The following LRFN2 variants were observed in gnomAD, a reference collection of about 807,000 sequenced individuals.
LRFN2 encodes leucine rich repeat and fibronectin type III domain containing 2.
A neutral mutation model predicts 37.3 loss-of-function variants in LRFN2; 18 were observed. That is an observed-to-expected ratio of 0.48 (90% confidence interval 0.33 to 0.72). LRFN2 has a LOEUF of 0.72. Among genes scored for constraint, LRFN2 ranks in the 30% least tolerant of loss-of-function variants. The pLI is 0.02. For synonymous variants in LRFN2, 556 were observed against 466.6 expected, an observed-to-expected ratio of 1.19 and a Z score of -2.47; for missense variants, 1,006 against 1,060.7, an observed-to-expected ratio of 0.95 and a Z score of 0.72.
At chr6:40,452,790 G>A (rs1343570437) in intron 1 of LRFN2, among the ~76,000 whole-genome samples, 3 of 152,154 alleles carry the variant, frequency 2.0e-5, no homozygotes, top group Non-Finnish European at 4.4e-5. Flanking sequence ...ACACAGAGAG[G>A]AGGTCACACA....
intron 1 of LRFN2, among the ~76,000 whole-genome samples, chr6:40,502,823 C>T (rs964163948): frequency 2.0e-5 from 3 of 152,180 alleles, no homozygotes; most frequent in Non-Finnish European, 4.4e-5. Flanking sequence ...TAGAGTCGAG[C>T]GTTGGGGCAG....
chr6:40,529,416 C>T (rs1039628223), intron 1 of LRFN2, among the ~76,000 whole-genome samples: 6 of 152,224 alleles, frequency 3.9e-5, no homozygotes, highest in Admixed American at 1.3e-4. Context: ...GTGGACCAAA[C>T]TGCCTACCAT....
chr6:40,393,320 C>G (rs1458948107), intron 2 of LRFN2, among the ~76,000 whole-genome samples: 1 of 151,202 alleles, frequency 6.6e-6, no homozygotes, highest in Admixed American at 6.6e-5. Context: ...GTGTCAGAGA[C>G]CAAGGATGTG....
chr6:40,480,152 T>C (rs184238762), intron 1 of LRFN2, among the ~76,000 whole-genome samples: 18 of 152,358 alleles, frequency 1.2e-4, no homozygotes, highest in African/African-American at 4.1e-4. Context: ...CTGGGTATTA[T>C]TATCCCTGTT....
At chr6:40,493,497 C>T (rs1765143238) in intron 1 of LRFN2, among the ~76,000 whole-genome samples, 1 of 152,198 alleles carries the variant, frequency 6.6e-6, no homozygotes, top group Non-Finnish European at 1.5e-5. Context: ...CATTTCAGGG[C>T]TTAACCTACT....
Position 40,522,382 on chromosome 6 carries a change from G to A in LRFN2, c.-19+64559C>T, listed in dbSNP as rs1433619188. On this transcript the variant is annotated intron_variant, in intron 1 of 2. Coordinates refer to ENST00000338305, the MANE Select transcript of LRFN2 (RefSeq NM_020737.3). ...TCCAGCCAATTTTGCAAGAAGAAAA[G>A]GCCCAGAGCCCCAGCCCACTACCCA... Among the ~76,000 whole-genome samples, 3 of 152,122 alleles carry A rather than the reference G, an allele frequency of 2.0e-5. No individual in the cohort carries two copies. The East Asian group carries it at 5.8e-4, about 29-fold the overall frequency.
intron 1 of LRFN2, among the ~76,000 whole-genome samples, chr6:40,547,703 T>A (rs1391278183): frequency 3.3e-5 from 5 of 152,016 alleles, no homozygotes; most frequent in Non-Finnish European, 7.4e-5. Context: ...GGGCTATTTA[T>A]CCTCCTACCC....
chr6:40,578,584 T>C (rs1767336967), intron 1 of LRFN2, among the ~76,000 whole-genome samples: 1 of 152,188 alleles, frequency 6.6e-6, no homozygotes, highest in Non-Finnish European at 1.5e-5. Context: ...AGATGGTTGT[T>C]AGAAAGGAGT....
rs202078034 is a variant in LRFN2 at position 40,514,234 on chromosome 6, T to C, written c.-19+72707A>G. Among the ~76,000 whole-genome samples the C allele has an allele frequency of 2.6e-5, 4 of 152,168 alleles. No homozygotes were observed. In the East Asian group the frequency reaches 7.8e-4, roughly 29 times the overall value. On this transcript the variant is annotated intron_variant, in intron 1 of 2. Transcript: ENST00000338305. ...GAAAGCGTTCCATGCTCCAGATAGT[T>C]TTGACCCCCCACAACACAAACACAC...
chr6:40,432,282 G>A lies in LRFN2; in HGVS notation c.832C>T (p.His278Tyr). Residue 278 changes from histidine to tyrosine, a missense_variant, in exon 2 of 3, where the codon CAT becomes TAT. This residue lies in a region of LRFN2 where 303 missense variants were observed against 299.8 expected (regional missense o/e 1.01). Transcript: ENST00000338305. ...PGGLKGRYFW[H>Y]VREEEFVCEP... ...CACACAAACTCCTCCTCACGCACAT[G>A]CCAGAAGTAGCGACCCTTGAGGCCC... 2 of 1,614,064 alleles carry A rather than the reference G, an allele frequency of 1.2e-6. No homozygotes were observed. The highest frequency in any genetic ancestry group is 8.5e-7 in the Non-Finnish European group (1 of 1,180,038).
At chr6:40,435,609 G>A (rs1464593957) in intron 1 of LRFN2, among the ~76,000 whole-genome samples, 7 of 152,042 alleles carry the variant, frequency 4.6e-5, no homozygotes, top group Admixed American at 4.6e-4. Context: ...CATGATCTCA[G>A]CTCACTGCAA....
At chr6:40,421,181 A>G (rs1321964852) in intron 2 of LRFN2, among the ~76,000 whole-genome samples, 1 of 152,324 alleles carries the variant, frequency 6.6e-6, no homozygotes, top group African/African-American at 2.4e-5. Context: ...CCCTGACTCC[A>G]TGGAGCTCCC....
At chr6:40,482,832 CAG>C (rs1169228693) in intron 1 of LRFN2, among the ~76,000 whole-genome samples, 1 of 152,230 alleles carries the variant, frequency 6.6e-6, no homozygotes, top group East Asian at 1.9e-4. Flanking sequence ...CAGAGGAACT[CAG>C]AGTACAGGCA....
At chr6:40,550,493 CCTT>C (rs1057266124) in intron 1 of LRFN2, among the ~76,000 whole-genome samples, 22 of 152,118 alleles carry the variant, frequency 1.4e-4, no homozygotes, top group Admixed American at 2.6e-4. Context: ...AGAAGAGAGG[CCTT>C]CTCTAATATT....
intron 2 of LRFN2, among the ~76,000 whole-genome samples, chr6:40,404,247 C>A (rs1209364990): frequency 1.3e-5 from 2 of 152,148 alleles, no homozygotes; most frequent in East Asian, 3.9e-4. Context: ...ACTAGAATGT[C>A]AGCTCCCTGA....
chr6:40,471,403 G>A (rs1013393575), intron 1 of LRFN2, among the ~76,000 whole-genome samples: 5 of 152,168 alleles, frequency 3.3e-5, no homozygotes, highest in Non-Finnish European at 5.9e-5. Flanking sequence ...CTGTCATATT[G>A]TCATGCCATG....
At chr6:40,465,728 G>A (rs1010977562) in intron 1 of LRFN2, among the ~76,000 whole-genome samples, 1 of 152,122 alleles carries the variant, frequency 6.6e-6, no homozygotes, top group African/African-American at 2.4e-5. Flanking sequence ...TCAAATTTCT[G>A]GGAATTTGGG....
At chr6:40,402,854 T>C (rs910112776) in intron 2 of LRFN2, among the ~76,000 whole-genome samples, 9 of 152,142 alleles carry the variant, frequency 5.9e-5, no homozygotes, top group Non-Finnish European at 1.0e-4. Flanking sequence ...GAGGACAATC[T>C]CTCTACTTCG....
At chr6:40,443,969 G>A (rs576503336) in intron 1 of LRFN2, among the ~76,000 whole-genome samples, 2 of 152,278 alleles carry the variant, frequency 1.3e-5, no homozygotes, top group East Asian at 3.9e-4. Flanking sequence ...ACAACCTAGG[G>A]CTGGGAGGGA....
Sources: allele counts gnomAD v4.1 joint callset (sites outside exome capture counted in the v4.1 genomes callset), GRCh38; gene constraint gnomAD v4.1.1; regional missense constraint gnomAD v4.1.1; transcripts MANE v1.5; gene names NCBI Gene and HGNC (gene_info 2026-07-23, HGNC 2026-07-21).